The following ARHGAP32 variants were observed in gnomAD, a reference collection of about 807,000 sequenced individuals.
The protein encoded by ARHGAP32 is Rho GTPase activating protein 32.
ARHGAP32 carries 51 observed loss-of-function variants against 186.5 expected under a neutral mutation model. The ratio of observed to expected loss-of-function variants is 0.27; its 90% CI spans 0.22 to 0.35. The LOEUF (loss-of-function observed/expected upper bound fraction) is 0.35. ARHGAP32 is among the 10% of genes least tolerant of loss of function. The pLI, the probability that ARHGAP32 is intolerant of heterozygous loss-of-function variation, is 1.00. For missense variants in ARHGAP32, 2,186 were observed against 2,623.5 expected (o/e 0.83, Z 3.64); for synonymous variants, 950 against 964.3 (o/e 0.99, Z 0.27).
intron 1 of ARHGAP32, among the ~76,000 whole-genome samples, chr11:129,247,037 C>A (rs1945110016): frequency 6.6e-6 from 1 of 152,170 alleles, no homozygotes; most frequent in African/African-American, 2.4e-5. Context: ...CTTCCACGCT[C>A]TATAGTAAAT....
chr11:129,180,339 C>T (rs1183131198), intron 1 of ARHGAP32, among the ~76,000 whole-genome samples: 1 of 152,006 alleles, frequency 6.6e-6, no homozygotes, highest in African/African-American at 2.4e-5. Flanking sequence ...GAATAAGTTA[C>T]CTTTGGGAGA....
intron 10 of ARHGAP32, among the ~76,000 whole-genome samples, chr11:129,051,866 A>T (rs1430226012): frequency 6.7e-6 from 1 of 148,778 alleles, no homozygotes; most frequent in Non-Finnish European, 1.5e-5. Context: ...GAAGTGGGAG[A>T]ATCGCTTGAA....
intron 2 of ARHGAP32, among the ~76,000 whole-genome samples, chr11:129,144,652 A>G (rs1943131794): frequency 6.6e-6 from 1 of 152,212 alleles, no homozygotes; most frequent in African/African-American, 2.4e-5. Flanking sequence ...CTGGTAATTC[A>G]CAAACACAGA....
chr11:129,148,809 G>A (rs1022536565), intron 2 of ARHGAP32, among the ~76,000 whole-genome samples: 7 of 152,094 alleles, frequency 4.6e-5, no homozygotes, highest in African/African-American at 1.2e-4. Context: ...GTTGGGTAAG[G>A]CCTCTTGCTA....
At chr11:129,027,105 A>C (rs1182196282) in intron 11 of ARHGAP32, among the ~76,000 whole-genome samples, 1 of 151,806 alleles carries the variant, frequency 6.6e-6, no homozygotes, top group Non-Finnish European at 1.5e-5. Context: ...TCTCAAAAAA[A>C]AAAAAAAAAA....
At chr11:129,279,072 G>C (rs1350043007) in intron 1 of ARHGAP32, 1 of 147,404 alleles carries the variant, frequency 6.8e-6, no homozygotes, top group African/African-American at 2.4e-5. Flanking sequence ...AGGAAAGAGA[G>C]GCCCCCCGCA....
intron 12 of ARHGAP32, among the ~76,000 whole-genome samples, chr11:128,997,724 A>G (rs1946239928): frequency 6.6e-6 from 1 of 152,216 alleles, no homozygotes; most frequent in Non-Finnish European, 1.5e-5. Context: ...AATAAAATAC[A>G]GATTCTCTAC....
At chr11:129,006,867 G>A (rs1937802988) in intron 11 of ARHGAP32, among the ~76,000 whole-genome samples, 1 of 152,200 alleles carries the variant, frequency 6.6e-6, no homozygotes, top group South Asian at 2.1e-4. Flanking sequence ...CCAGGAGCCA[G>A]GGACTGCAGT....
In ARHGAP32 at chr11:129,029,801, CAAAAAAA is replaced by C. The variant is rs34762356; in HGVS notation, c.1045+11120_1045+11126del. ...TGGGGGACAGAGGGAGACTCCGTCTCAAAAAAAAAAAAAAAAAAAAAAAAACGGGTAG... is the reference window on the plus strand; with the variant it reads ...TGGGGGACAGAGGGAGACTCCGTCTCAAAAAAAAAAAAAAAAAACGGGTAG... On this transcript the variant is annotated intron_variant, in intron 11 of 22. Coordinates refer to ENST00000682385, the MANE Select transcript of ARHGAP32 (RefSeq NM_001378024.1). Among the ~76,000 whole-genome samples the C allele has an allele frequency of 2.2e-3, 101 of 46,942 alleles. 1 individual carries two copies. The highest frequency in any genetic ancestry group is 0.011 in the African/African-American group (101 of 8,894). The allele number at this position is 46,942 out of a possible 152,430, so 30.8% of individuals were successfully genotyped here.
intron 11 of ARHGAP32, among the ~76,000 whole-genome samples, chr11:129,006,158 T>C (rs569295378): frequency 3.3e-5 from 5 of 152,324 alleles, no homozygotes; most frequent in African/African-American, 1.2e-4. Context: ...TTCTTTGAGT[T>C]TCCTCAAAAT....
chr11:129,192,588 C>T (rs1944291086), upstream of ARHGAP32, among the ~76,000 whole-genome samples: 1 of 152,046 alleles, frequency 6.6e-6, no homozygotes, highest in African/African-American at 2.4e-5. Context: ...ATCTCGGACT[C>T]CAGAAAGGTA....
At chr11:129,050,072 CCAA>C (rs972179003) in intron 10 of ARHGAP32, among the ~76,000 whole-genome samples, 3 of 152,176 alleles carry the variant, frequency 2.0e-5, no homozygotes, top group Non-Finnish European at 2.9e-5. Context: ...CAAGAACCAA[CCAA>C]CAACATTAAG....
chr11:129,096,648 A>T (rs745614710), intron 5 of ARHGAP32, among the ~76,000 whole-genome samples: 8 of 152,118 alleles, frequency 5.3e-5, no homozygotes, highest in Non-Finnish European at 1.2e-4. Context: ...AATTTCAGAG[A>T]TCTATGCTGT....
At chr11:129,045,680 A>G (rs144513580) in intron 10 of ARHGAP32, among the ~76,000 whole-genome samples, 1 of 152,346 alleles carries the variant, frequency 6.6e-6, no homozygotes, top group African/African-American at 2.4e-5. Flanking sequence ...AATATGATCT[A>G]TTAGCTATGT....
chr11:129,160,754 TG>T (rs1236529252), intron 2 of ARHGAP32, among the ~76,000 whole-genome samples: 1 of 152,206 alleles, frequency 6.6e-6, no homozygotes, highest in Non-Finnish European at 1.5e-5. Flanking sequence ...ATAGATTCAA[TG>T]CTATCCTCAT....
chr11:129,110,678 GT>G (rs1270740488), intron 5 of ARHGAP32, among the ~76,000 whole-genome samples: 1 of 151,794 alleles, frequency 6.6e-6, no homozygotes, highest in African/African-American at 2.4e-5. Flanking sequence ...TTATTCCTAG[GT>G]TTTTTGTTTA....
chr11:129,028,613 T>C (rs1591545434), intron 11 of ARHGAP32, among the ~76,000 whole-genome samples: 2 of 152,214 alleles, frequency 1.3e-5, no homozygotes, highest in East Asian at 3.8e-4. Flanking sequence ...GCATTCGTTG[T>C]GTAACCACTA....
At chr11:129,210,378 T>C (rs887977983) in intron 1 of ARHGAP32, among the ~76,000 whole-genome samples, 1 of 152,192 alleles carries the variant, frequency 6.6e-6, no homozygotes, top group Non-Finnish European at 1.5e-5. Context: ...TTAATTCTGA[T>C]AACCAGAAGA....
intron 6 of ARHGAP32, among the ~76,000 whole-genome samples, chr11:129,076,634 A>C (rs1941052318): frequency 6.6e-6 from 1 of 152,238 alleles, no homozygotes; most frequent in Non-Finnish European, 1.5e-5. Context: ...ACCAAATAAA[A>C]ACAAAAATAC....
Sources: allele counts gnomAD v4.1 joint callset (sites outside exome capture counted in the v4.1 genomes callset), GRCh38; gene constraint gnomAD v4.1.1; transcripts MANE v1.5; gene names NCBI Gene and HGNC (gene_info 2026-07-23, HGNC 2026-07-21).